RCOR1: variants seen among roughly 807,000 people sequenced by gnomAD.
RCOR1 encodes REST corepressor.
A neutral mutation model predicts 64.0 loss-of-function variants in RCOR1; 12 were observed. That is an observed-to-expected ratio of 0.19 (90% CI 0.12 to 0.30). The LOEUF (loss-of-function observed/expected upper bound fraction) is 0.30. Ranked by LOEUF, RCOR1 falls within the 10% of genes least tolerant of loss-of-function variation. The probability of loss-of-function intolerance (pLI) is 1.00; values close to 1 mark genes in which losing one functional copy is unlikely to be tolerated. For synonymous variants in RCOR1, 279 were observed against 227.2 expected, an observed-to-expected ratio of 1.23 and a Z score of -2.05; for missense variants, 502 against 621.2, an observed-to-expected ratio of 0.81 and a Z score of 2.04.
rs971080602 is a variant in RCOR1 at position 102,656,138 on chromosome 14, T to A, written c.362-25757T>A. On this transcript the variant is annotated intron_variant, in intron 2 of 11. Coordinates refer to ENST00000262241, the MANE Select transcript of RCOR1 (RefSeq NM_015156.4). Reference sequence around the variant, plus strand: ...AAATCACTTTGCTGAGATTTTTTTATTTTTTTTATTTTTTTTTTGGAGACA... The same window carrying A: ...AAATCACTTTGCTGAGATTTTTTTAATTTTTTTATTTTTTTTTTGGAGACA... The A allele has an allele frequency of 3.1e-6, 3 of 971,650 alleles. No homozygotes were observed. In the African/African-American group the frequency reaches 5.4e-5, roughly 17 times the overall value. 60.2% of individuals were successfully genotyped at this position (971,650 alleles called of 1,614,324 possible).
intron 3 of RCOR1, among the ~76,000 whole-genome samples, chr14:102,688,647 A>T (rs182925391): frequency 6.6e-6 from 1 of 152,184 alleles, no homozygotes; most frequent in East Asian, 1.9e-4. Context: ...GATGGAGACC[A>T]TAGAATTGTG....
At chr14:102,711,090 G>T in intron 7 of RCOR1, 77 bp downstream of exon 7, 3 of 938,942 alleles carry the variant, frequency 3.2e-6, no homozygotes, top group South Asian at 3.0e-5. Context: ...CATGTTGCTT[G>T]TTCTACTTAA....
At chr14:102,648,290 G>A (rs1335018774) in intron 2 of RCOR1, among the ~76,000 whole-genome samples, 1 of 152,206 alleles carries the variant, frequency 6.6e-6, no homozygotes, top group African/African-American at 2.4e-5. Flanking sequence ...TGTCGGCGAG[G>A]CTGGTCTTGA....
At chr14:102,724,193 A>C (rs574464831) in intron 11 of RCOR1, among the ~76,000 whole-genome samples, 1 of 152,148 alleles carries the variant, frequency 6.6e-6, no homozygotes, top group Admixed American at 6.5e-5. Context: ...CCATGTCTCT[A>C]TTTACCCAGC....
chr14:102,665,612 G>T (rs1198996709), intron 2 of RCOR1, among the ~76,000 whole-genome samples: 2 of 152,094 alleles, frequency 1.3e-5, no homozygotes, highest in Non-Finnish European at 2.9e-5. Context: ...TTTCTTTAGG[G>T]TTAGTGAAGC....
intron 11 of RCOR1, among the ~76,000 whole-genome samples, chr14:102,723,249 G>A (rs1194047365): frequency 6.6e-6 from 1 of 152,222 alleles, no homozygotes; most frequent in Non-Finnish European, 1.5e-5. Flanking sequence ...AATGTTTTGA[G>A]ATTACCTATT....
chr14:102,595,580 TC>T (rs1471003763), intron 2 of RCOR1, among the ~76,000 whole-genome samples: 1 of 151,738 alleles, frequency 6.6e-6, no homozygotes, highest in Non-Finnish European at 1.5e-5. Flanking sequence ...TTTCCAAATT[TC>T]TTTTTTTTTT....
chr14:102,706,133 A>AAAAAC (rs1895852057), intron 4 of RCOR1, among the ~76,000 whole-genome samples: 1 of 149,886 alleles, frequency 6.7e-6, no homozygotes, highest in Non-Finnish European at 1.5e-5. Context: ...AAAAAAAAAA[A>AAAAAC]AAAAAAAAAC....
chr14:102,598,872 TA>T (rs879879484), intron 2 of RCOR1, among the ~76,000 whole-genome samples: 173 of 146,380 alleles, frequency 1.2e-3, no homozygotes, highest in East Asian at 5.1e-3. Flanking sequence ...TTTAAAGAGT[TA>T]AAAAAAAAAA....
At chr14:102,718,091 G>A (rs925355266) in intron 8 of RCOR1, among the ~76,000 whole-genome samples, 1 of 152,198 alleles carries the variant, frequency 6.6e-6, no homozygotes, top group Non-Finnish European at 1.5e-5. Flanking sequence ...CAAATGGCAA[G>A]AAGTGCCAAC....
chr14:102,725,829 C>T (rs1189228963), intron 11 of RCOR1, among the ~76,000 whole-genome samples: 1 of 152,074 alleles, frequency 6.6e-6, no homozygotes, highest in Non-Finnish European at 1.5e-5. Context: ...CCTCAGCCTC[C>T]CAAAGTGCTG....
intron 3 of RCOR1, among the ~76,000 whole-genome samples, chr14:102,692,771 T>A (rs1240331509): frequency 6.9e-6 from 1 of 145,682 alleles, no homozygotes; most frequent in Non-Finnish European, 1.5e-5. Flanking sequence ...TCTTTTTCTT[T>A]TTTTTTTTTT....
chr14:102,698,925 C>CTT (rs59244779), intron 3 of RCOR1, among the ~76,000 whole-genome samples: 19 of 147,146 alleles, frequency 1.3e-4, no homozygotes, highest in Admixed American at 4.8e-4. Flanking sequence ...CCTGCCCTGC[C>CTT]TTTTTTTTTT....
At chr14:102,623,406 A>G (rs1166464965) in intron 2 of RCOR1, among the ~76,000 whole-genome samples, 1 of 149,700 alleles carries the variant, frequency 6.7e-6, no homozygotes, top group Non-Finnish European at 1.5e-5. Flanking sequence ...TTATTTATTT[A>G]TTTATTTATT....
At chr14:102,631,444 C>G (rs1894109152) in intron 2 of RCOR1, among the ~76,000 whole-genome samples, 2 of 152,008 alleles carry the variant, frequency 1.3e-5, no homozygotes, top group South Asian at 4.1e-4. Flanking sequence ...ACCTCATGAT[C>G]CGCCTGCCTT....
intron 2 of RCOR1, among the ~76,000 whole-genome samples, chr14:102,635,181 A>G (rs1894210904): frequency 6.6e-6 from 1 of 152,108 alleles, no homozygotes; most frequent in African/African-American, 2.4e-5. Context: ...TCTTCTCAGT[A>G]TATATGTCTA....
At chr14:102,635,644 G>C (rs2139915260) in intron 2 of RCOR1, among the ~76,000 whole-genome samples, 1 of 152,168 alleles carries the variant, frequency 6.6e-6, no homozygotes, top group Non-Finnish European at 1.5e-5. Flanking sequence ...ACCATAATTT[G>C]ACGCAAGTTG....
intron 3 of RCOR1, among the ~76,000 whole-genome samples, chr14:102,694,326 A>G (rs1214202747): frequency 6.6e-6 from 1 of 152,096 alleles, no homozygotes; most frequent in Non-Finnish European, 1.5e-5. Context: ...GCACAATCTC[A>G]GCTCACTGCA....
At chr14:102,606,733 A>G (rs1893516351) in intron 2 of RCOR1, among the ~76,000 whole-genome samples, 1 of 142,298 alleles carries the variant, frequency 7.0e-6, no homozygotes, top group Admixed American at 7.2e-5. Context: ...CTTCTTGGGC[A>G]CCAGTGATCC....
Sources: allele counts gnomAD v4.1 joint callset (sites outside exome capture counted in the v4.1 genomes callset), GRCh38; gene constraint gnomAD v4.1.1; transcripts MANE v1.5; gene names NCBI Gene and HGNC (gene_info 2026-07-23, HGNC 2026-07-21).